The following ZNF621 variants were observed in gnomAD, a reference collection of about 807,000 sequenced individuals.
ZNF621 encodes the protein zinc finger protein 621.
In ZNF621, 6 loss-of-function variants were observed where a neutral mutation model predicts 12.7. The observed-to-expected ratio is 0.47, with a 90% CI of 0.26 to 0.93. The LOEUF (loss-of-function observed/expected upper bound fraction) is 0.93. Among genes scored for constraint, ZNF621 ranks in the 40% least tolerant of loss-of-function variants. The pLI is 0.15. For synonymous variants in ZNF621, 156 were observed against 190.3 expected (o/e 0.82, Z 1.48); for missense variants, 474 against 524.0 (o/e 0.90, Z 0.93).
chr3:40,531,651 C>G (rs1698728205), intron 4 of ZNF621, among the ~76,000 whole-genome samples: 1 of 152,162 alleles, frequency 6.6e-6, no homozygotes, highest in African/African-American at 2.4e-5. Context: ...CAACCTCTGC[C>G]TCCCGGGCTT....
At chr3:40,523,823 T>G (rs1242834194), upstream of ZNF621, among the ~76,000 whole-genome samples, 4 of 149,404 alleles carry the variant, frequency 2.7e-5, no homozygotes, top group African/African-American at 4.9e-5. Flanking sequence ...CTGTCCATCT[T>G]AGCAACCACT....
rs996159807 is a variant in ZNF621, at chr3:40,535,756, A to G, written c.*2666A>G. On this transcript the variant is annotated 3_prime_UTR_variant, in exon 5 of 5. Transcript: ENST00000339296. ...GTCTGAAAATGGGGAAGGGATTTTC[A>G]GAATATGTTGAGCAGCTGTAAAATA... 1 of 152,240 alleles carries G rather than the reference A, an allele frequency of 6.6e-6. No homozygotes were observed. Among genetic ancestry groups the G allele is most frequent in the African/African-American group, 2.4e-5 (1 of 41,462 alleles). The allele number at this position is 152,240 out of a possible 1,614,324, so 9.4% of individuals were successfully genotyped here.
rs774841452 is a variant in ZNF621, at chr3:40,532,324, G to C, written c.554G>C (p.Gly185Ala). ...AAGCCCTTTAAGTGTAAGGAGTGTG[G>C]CAAAGCTTTCAAGTCCAGCTATGAT... ...GEKPFKCKEC[G>A]KAFKSSYDCI... The change falls in exon 5 of 5, where the codon GGC becomes GCC. Residue 185 changes from glycine to alanine, a missense_variant. Coordinates refer to ENST00000339296, the MANE Select transcript of ZNF621 (RefSeq NM_198484.5). 1.2e-6 allele frequency: 2 copies of C among 1,612,108 alleles called. No homozygotes were observed. The highest frequency in any genetic ancestry group is 1.7e-6 in the Non-Finnish European group (2 of 1,180,016).
Position 40,538,509 on chromosome 3 carries a change from CAA to C in ZNF621, c.*5432_*5433del, listed in dbSNP as rs796522089. On this transcript the variant is annotated 3_prime_UTR_variant, in exon 5 of 5. Coordinates refer to ENST00000339296, the MANE Select transcript of ZNF621 (RefSeq NM_198484.5). ...CCTGGGTAACAGAGTGAGACTGTCT[CAA>C]AAAAAAAAAAAATTTAGTTCCAAAT... 15 of 138,072 alleles carry C rather than the reference CAA, an allele frequency of 1.1e-4. No homozygotes were observed. The highest frequency in any genetic ancestry group is 4.3e-4 in the South Asian group (2 of 4,638). 8.6% of individuals were successfully genotyped at this position (138,072 alleles called of 1,614,324 possible). A position where few individuals can be genotyped will look rare whatever the true frequency, so the allele number is the denominator to read the frequency against.
At chr3:40,530,970 G>T (rs1014364093) in intron 4 of ZNF621, among the ~76,000 whole-genome samples, 1 of 152,100 alleles carries the variant, frequency 6.6e-6, no homozygotes, top group Non-Finnish European at 1.5e-5. Context: ...ACCAGTCCTG[G>T]AAGGTTTTGT....
At chr3:40,530,071 TC>T in intron 3 of ZNF621, 137 bp from the exon 4 acceptor site, 1 of 645,272 alleles carries the variant, frequency 1.5e-6, no homozygotes. Flanking sequence ...AGTTTGGACC[TC>T]CTTGTCAGAA....
chr3:40,533,047 A>C lies in ZNF621; in HGVS notation c.1277A>C (p.Lys426Thr), dbSNP rs1168359623. Residue 426 changes from lysine to threonine, a missense_variant, in exon 5 of 5, where the codon AAA (lysine) becomes ACA (threonine). Coordinates refer to ENST00000339296, the MANE Select transcript of ZNF621 (RefSeq NM_198484.5). ...TTCCAGGGTCTTACTCCCACTGTGA[A>C]ACCTTCCCCAGTTATTCTCACCCCT... ...RVFQGLTPTV[K>T]PSPVILTPSS... is the part of the protein sequence containing the mutation. The C allele has an allele frequency of 6.4e-7, 1 of 1,551,572 alleles. No homozygotes were observed. Among genetic ancestry groups the C allele is most frequent in the East Asian group, 2.4e-5 (1 of 40,936 alleles).
rs998038902 is a variant in ZNF621, at chr3:40,535,139, C to T, written c.*2049C>T. On this transcript the variant is annotated 3_prime_UTR_variant, in exon 5 of 5. Transcript: ENST00000339296. ...CCAGAAAGTGGCTGCGCCTTCAGCC[C>T]CGTGCTAGAATGAGAACATATGGAG... is the stretch of plus-strand genomic sequence containing the variant. 2 of 152,262 alleles carry T rather than the reference C, an allele frequency of 1.3e-5. No homozygotes were observed. The highest frequency in any genetic ancestry group is 4.8e-5 in the African/African-American group (2 of 41,456). 9.4% of individuals were successfully genotyped at this position (152,262 alleles called of 1,614,324 possible). A position where few individuals can be genotyped will look rare whatever the true frequency, so the allele number is the denominator to read the frequency against.
chr3:40,529,305 A>G lies in ZNF621; in HGVS notation c.25-14A>G, dbSNP rs1457859479. On this transcript the variant is annotated splice_polypyrimidine_tract_variant and intron_variant, in intron 2 of 4. Transcript: ENST00000339296. Reference sequence around the variant, plus strand: ...CTTCTCACTCAGAGATTGAGCAGGAACCTGTTGTTTCAGGAGTCAGTGACC... The same window carrying G: ...CTTCTCACTCAGAGATTGAGCAGGAGCCTGTTGTTTCAGGAGTCAGTGACC... 6.2e-7 allele frequency: 1 copy of G among 1,611,782 alleles called. No individual in the cohort carries two copies. The highest frequency in any genetic ancestry group is 1.3e-5 in the African/African-American group (1 of 74,808).
intron 2 of ZNF621, among the ~76,000 whole-genome samples, chr3:40,526,982 A>T (rs1398951957): frequency 6.6e-6 from 1 of 152,048 alleles, no homozygotes; most frequent in Non-Finnish European, 1.5e-5. Flanking sequence ...TAGCCTCCCA[A>T]GTAGCTGGGA....
Position 40,532,025 on chromosome 3 carries a change from G to A in ZNF621, c.260-5G>A. 6.3e-7 allele frequency: 1 copy of A among 1,591,952 alleles called. No homozygotes were observed. Among genetic ancestry groups the A allele is most frequent in the Non-Finnish European group, 8.6e-7 (1 of 1,169,538 alleles). On this transcript the variant is annotated splice_region_variant and splice_polypyrimidine_tract_variant and intron_variant, in intron 4 of 4. Transcript: ENST00000339296. Reference sequence around the variant, plus strand: ...ACTAGGAACACTTGTGGTTTCTTTGGTCAGGTGGTGAGTCCTGGATCAAAA... The same window carrying A: ...ACTAGGAACACTTGTGGTTTCTTTGATCAGGTGGTGAGTCCTGGATCAAAA...
chr3:40,529,408 G>A lies in ZNF621; in HGVS notation c.114G>A (p.Glu38=). The A allele has an allele frequency of 1.2e-6, 2 of 1,613,692 alleles. No homozygotes were observed. The highest frequency in any genetic ancestry group is 8.5e-7 in the Non-Finnish European group (1 of 1,179,758). Residue 38 remains glutamate, a synonymous_variant, in exon 3 of 5, where the codon GAG becomes GAA. Coordinates refer to ENST00000339296, the MANE Select transcript of ZNF621 (RefSeq NM_198484.5). ...CTGCGCAGAGGGCCCTGTACGGGGAGGTGATGCTGGAGAATTATGCAAATG... is the reference window on the plus strand; with the variant it reads ...CTGCGCAGAGGGCCCTGTACGGGGAAGTGATGCTGGAGAATTATGCAAATG... The part of the protein sequence containing the change: ...LDPAQRALYG[E]VMLENYANVA...
At position 40,525,007 on chromosome 3, in the gene ZNF621, G is replaced by A. The variant is rs1315806589; in HGVS notation, c.-330G>A. ...GTGACCAGCTCCTCGGCGTTCTGCA[G>A]AGCGTGGGTTTCAGCGAGTTCTACG... On this transcript the variant is annotated 5_prime_UTR_variant, in exon 1 of 5. Transcript: ENST00000339296. The A allele has an allele frequency of 6.6e-6, 1 of 152,382 alleles. No homozygotes were observed. The highest frequency in any genetic ancestry group is 1.5e-5 in the Non-Finnish European group (1 of 68,154). 9.4% of individuals were successfully genotyped at this position (152,382 alleles called of 1,614,324 possible).
At chr3:40,525,421 C>G (rs1480892784) in intron 1 of ZNF621, 147 bp downstream of exon 1, 1 of 273,244 alleles carries the variant, frequency 3.7e-6, no homozygotes, top group Admixed American at 4.9e-5. Context: ...AGTCCCTCTT[C>G]TCCTGAGGTT....
At position 40,532,091 on chromosome 3, in the gene ZNF621, A is replaced by G. The variant is rs770385624; in HGVS notation, c.321A>G (p.Thr107=). ...LVIKQEASEE[T]ELHRMPVGGL... is the part of the protein sequence containing the mutation. ...TAAAGCAGGAAGCCTCTGAAGAAACAGAGTTGCACAGAATGCCAGTAGGAG... is the reference window on the plus strand; with the variant it reads ...TAAAGCAGGAAGCCTCTGAAGAAACGGAGTTGCACAGAATGCCAGTAGGAG... Residue 107 remains threonine, a synonymous_variant, in exon 5 of 5, where the codon ACA becomes ACG. Transcript: ENST00000339296. 1 of 1,614,130 alleles carries G rather than the reference A, an allele frequency of 6.2e-7. No homozygotes were observed. The highest frequency in any genetic ancestry group is 1.1e-5 in the South Asian group (1 of 91,090).
In ZNF621 at chr3:40,530,679, C is replaced by A. The variant is rs77969974; in HGVS notation, c.259+363C>A. Among the ~76,000 whole-genome samples, 1,365 of 152,234 alleles carry A rather than the reference C, an allele frequency of 9.0e-3. 14 individuals carry two copies. The highest frequency in any genetic ancestry group is 0.013 in the Non-Finnish European group (866 of 68,020). ...TAAGGAAAATATGATTTTTTGGGGCCAAACTGATTTATTTGTGCTATAGCT... is the reference window on the plus strand; with the variant it reads ...TAAGGAAAATATGATTTTTTGGGGCAAAACTGATTTATTTGTGCTATAGCT... On this transcript the variant is annotated intron_variant, in intron 4 of 4. Transcript: ENST00000339296.
intron 4 of ZNF621, 37 bp downstream of exon 4, chr3:40,530,353 T>A: frequency 6.4e-7 from 1 of 1,564,506 alleles, no homozygotes; most frequent in South Asian, 1.1e-5. Context: ...TTTCTTGTTT[T>A]GCCTTCCTGG....
intron 2 of ZNF621, among the ~76,000 whole-genome samples, chr3:40,528,329 C>T (rs1011177975): frequency 1.3e-5 from 2 of 152,122 alleles, no homozygotes; most frequent in Admixed American, 6.5e-5. Context: ...CTTGATAGAT[C>T]GTTTTGTTTT....
chr3:40,538,177 T>C lies in ZNF621; in HGVS notation c.*5087T>C. ...CACATCTGTTTACAGCATGGATTAC[T>C]GAATATTTTAAGCCCACTGTTGAGA... is the stretch of plus-strand genomic sequence containing the variant. On this transcript the variant is annotated 3_prime_UTR_variant, in exon 5 of 5. Transcript: ENST00000339296. The C allele has an allele frequency of 2.9e-6, 1 of 342,852 alleles. No homozygotes were observed. Among genetic ancestry groups the C allele is most frequent in the South Asian group, 2.2e-5 (1 of 45,038 alleles). The allele number at this position is 342,852 out of a possible 1,614,324, so 21.2% of individuals were successfully genotyped here.
Sources: allele counts gnomAD v4.1 joint callset (sites outside exome capture counted in the v4.1 genomes callset), GRCh38; gene constraint gnomAD v4.1.1; transcripts MANE v1.5; gene names NCBI Gene and HGNC (gene_info 2026-07-23, HGNC 2026-07-21).